The following OPCML variants were observed in gnomAD, a reference collection of about 807,000 sequenced individuals.
OPCML encodes opioid-binding protein/cell adhesion molecule.
In OPCML, 13 loss-of-function variants were observed where a neutral mutation model predicts 37.8. That is an observed-to-expected ratio of 0.34 (90% CI 0.22 to 0.55). The LOEUF (loss-of-function observed/expected upper bound fraction) is 0.55. OPCML is among the 20% of genes least tolerant of loss of function. The probability of loss-of-function intolerance (pLI) is 0.91; values close to 1 mark genes in which losing one functional copy is unlikely to be tolerated. For synonymous variants in OPCML, 176 were observed against 168.8 expected, an observed-to-expected ratio of 1.04 and a Z score of -0.33; for missense variants, 341 against 435.6, an observed-to-expected ratio of 0.78 and a Z score of 1.93.
At chr11:133,011,233 G>A (rs1387215479) in intron 1 of OPCML, among the ~76,000 whole-genome samples, 1 of 152,202 alleles carries the variant, frequency 6.6e-6, no homozygotes, top group Non-Finnish European at 1.5e-5. Context: ...TGGAGTCTAA[G>A]TGGCAGCATG....
chr11:132,949,840 G>A (rs1203884447), intron 1 of OPCML, among the ~76,000 whole-genome samples: 1 of 152,132 alleles, frequency 6.6e-6, no homozygotes, highest in Non-Finnish European at 1.5e-5. Flanking sequence ...GGGGGAAAAA[G>A]ACCATAAAAA....
At chr11:133,420,324 G>A (rs960444882) in intron 1 of OPCML, 1 of 985,436 alleles carries the variant, frequency 1.0e-6, no homozygotes, top group Non-Finnish European at 1.2e-6. Context: ...CCATGGAGAA[G>A]ATCCTTTTTA....
At chr11:133,140,546 G>T (rs1297664411) in intron 1 of OPCML, among the ~76,000 whole-genome samples, 3,245 of 107,496 alleles carry the variant, frequency 0.03, 60 homozygotes, top group African/African-American at 0.073. Context: ...AGAAGAAGAA[G>T]AAGAAGAAGA....
intron 2 of OPCML, among the ~76,000 whole-genome samples, chr11:132,780,943 T>C (rs1009519612): frequency 9.9e-5 from 15 of 152,196 alleles, no homozygotes; most frequent in African/African-American, 3.6e-4. Flanking sequence ...AAAAATATTG[T>C]GAATCATAGC....
chr11:132,556,705 A>G (rs1412232929), intron 3 of OPCML, among the ~76,000 whole-genome samples: 1 of 152,174 alleles, frequency 6.6e-6, no homozygotes, highest in Non-Finnish European at 1.5e-5. Flanking sequence ...TTCTCCTTCC[A>G]GAACACTCAC....
intron 3 of OPCML, among the ~76,000 whole-genome samples, chr11:132,648,535 T>TTTC (rs1941269547): frequency 6.6e-6 from 1 of 151,832 alleles, no homozygotes; most frequent in Admixed American, 6.6e-5. Flanking sequence ...TTTTTTTTTT[T>TTTC]TTCAGACAGA....
At chr11:133,373,003 C>G (rs887373860) in intron 1 of OPCML, among the ~76,000 whole-genome samples, 3 of 152,078 alleles carry the variant, frequency 2.0e-5, no homozygotes, top group Non-Finnish European at 2.9e-5. Flanking sequence ...ACAAAATACT[C>G]TTTTCTTTGA....
chr11:132,711,321 A>G (rs1944255321), intron 2 of OPCML, among the ~76,000 whole-genome samples: 1 of 152,242 alleles, frequency 6.6e-6, no homozygotes, highest in Admixed American at 6.5e-5. Flanking sequence ...AAATGGAAAT[A>G]ACCCAAAAGA....
chr11:132,462,651 A>G (rs1215795468), intron 4 of OPCML, among the ~76,000 whole-genome samples: 1 of 152,232 alleles, frequency 6.6e-6, no homozygotes, highest in Admixed American at 6.5e-5. Flanking sequence ...TGCAAGCTCA[A>G]TTACATTGCA....
intron 1 of OPCML, among the ~76,000 whole-genome samples, chr11:132,983,331 G>A (rs1360467300): frequency 6.6e-6 from 1 of 152,240 alleles, no homozygotes; most frequent in Non-Finnish European, 1.5e-5. Flanking sequence ...TCCAGGCCTG[G>A]TGCCAACTCC....
intron 1 of OPCML, among the ~76,000 whole-genome samples, chr11:133,039,801 G>A (rs1340692024): frequency 6.6e-6 from 1 of 152,086 alleles, no homozygotes; most frequent in Non-Finnish European, 1.5e-5. Flanking sequence ...AGGCCAAGGC[G>A]GGCACATCAC....
intron 2 of OPCML, among the ~76,000 whole-genome samples, chr11:132,832,220 C>G (rs75037707): frequency 8.0e-6 from 1 of 125,270 alleles, no homozygotes; most frequent in Admixed American, 8.6e-5. Flanking sequence ...TTCCCAACCT[C>G]TTTTTTTTTT....
intron 2 of OPCML, among the ~76,000 whole-genome samples, chr11:132,850,435 G>A (rs1018600901): frequency 6.6e-6 from 1 of 152,006 alleles, no homozygotes; most frequent in Non-Finnish European, 1.5e-5. Flanking sequence ...CGCACAGTTG[G>A]GTAACAAGAA....
chr11:133,531,750 A>T (rs925589160), intron 1 of OPCML, among the ~76,000 whole-genome samples: 7 of 149,600 alleles, frequency 4.7e-5, no homozygotes, highest in Admixed American at 4.6e-4. Context: ...AGAGGGAGAG[A>T]GAGAGAGAGA....
intron 1 of OPCML, among the ~76,000 whole-genome samples, chr11:133,034,387 T>C (rs2136930928): frequency 6.6e-6 from 1 of 151,910 alleles, no homozygotes; most frequent in Middle Eastern, 3.4e-3. Context: ...ATGCAAGTGC[T>C]GTATATGACA....
At chr11:132,714,336 C>T (rs1784183) in intron 2 of OPCML, among the ~76,000 whole-genome samples, 11,840 of 152,196 alleles carry the variant, frequency 0.078, 711 homozygotes, top group African/African-American at 0.16. Context: ...CCACTGGATA[C>T]CACATCAGTC....
At chr11:133,140,667 A>G (rs1011817573) in intron 1 of OPCML, among the ~76,000 whole-genome samples, 14 of 140,024 alleles carry the variant, frequency 1.0e-4, no homozygotes, top group Admixed American at 3.8e-4. Flanking sequence ...AGAAAAGAAG[A>G]AAAGAAGAAA....
intron 1 of OPCML, among the ~76,000 whole-genome samples, chr11:133,012,447 T>C (rs1427240455): frequency 6.6e-6 from 1 of 152,140 alleles, no homozygotes; most frequent in Non-Finnish European, 1.5e-5. Flanking sequence ...TCGAATCAAC[T>C]GTAAAACAAC....
chr11:133,249,908 G>A (rs1399511777), intron 1 of OPCML, among the ~76,000 whole-genome samples: 1 of 152,192 alleles, frequency 6.6e-6, no homozygotes, highest in Admixed American at 6.5e-5. Context: ...AATGGACGAT[G>A]GGAGAAGCTA....
Sources: allele counts gnomAD v4.1 joint callset (sites outside exome capture counted in the v4.1 genomes callset), GRCh38; gene constraint gnomAD v4.1.1; transcripts MANE v1.5; gene names NCBI Gene and HGNC (gene_info 2026-07-23, HGNC 2026-07-21).